The following UNC80 variants were observed in gnomAD, a reference collection of about 807,000 sequenced individuals.
The protein encoded by UNC80 is unc-80 subunit of NALCN channel complex.
A neutral mutation model predicts 384.6 loss-of-function variants in UNC80; 164 were observed. The ratio of observed to expected loss-of-function variants is 0.43; its 90% CI spans 0.38 to 0.49. The LOEUF (loss-of-function observed/expected upper bound fraction) is 0.49, where lower values mean the gene tolerates loss of function less well. UNC80 is among the 20% of genes least tolerant of loss of function. UNC80 has a pLI of 0.00. For synonymous variants in UNC80, 1,486 were observed against 1,527.8 expected (o/e 0.97, Z 0.64); for missense variants, 3,330 against 4,143.0 (o/e 0.80, Z 5.39).
chr2:209,972,166 G>T (rs558072828), intron 54 of UNC80, 35 bp from the exon 55 acceptor site: 1 of 1,544,872 alleles, frequency 6.5e-7, no homozygotes, highest in Non-Finnish European at 8.7e-7. Context: ...GGGTGTGGTG[G>T]TCAATTAATC....
At chr2:209,964,605 A>G (rs528929191) in intron 51 of UNC80, among the ~76,000 whole-genome samples, 1 of 152,154 alleles carries the variant, frequency 6.6e-6, no homozygotes, top group African/African-American at 2.4e-5. Context: ...TGGCCAACAT[A>G]GTGAAACCCT....
chr2:209,835,890 C>T (rs1188046669), intron 18 of UNC80, among the ~76,000 whole-genome samples: 1 of 152,140 alleles, frequency 6.6e-6, no homozygotes, highest in Non-Finnish European at 1.5e-5. Flanking sequence ...AGAAAAAATG[C>T]CCACAGAGTT....
At chr2:209,831,383 T>C (rs925152279) in intron 15 of UNC80, 60 bp from the exon 16 acceptor site, 58 of 1,501,036 alleles carry the variant, frequency 3.9e-5, no homozygotes, top group Non-Finnish European at 4.9e-5. Flanking sequence ...ACTGCCTTAC[T>C]CCTACCCATT....
At chr2:209,834,287 T>A in intron 17 of UNC80, 119 bp downstream of exon 17, 1 of 1,142,284 alleles carries the variant, frequency 8.8e-7, no homozygotes. Flanking sequence ...TAAAATTATC[T>A]TGCGTAAGTG....
chr2:209,895,758 C>A (rs2086742572), intron 27 of UNC80, among the ~76,000 whole-genome samples: 1 of 152,184 alleles, frequency 6.6e-6, no homozygotes, highest in Non-Finnish European at 1.5e-5. Flanking sequence ...TACTTTCACA[C>A]AGAGAGGAGT....
intron 60 of UNC80, chr2:209,982,689 G>A (rs1247128576): frequency 6.3e-6 from 1 of 159,188 alleles, no homozygotes; most frequent in Non-Finnish European, 1.4e-5. Flanking sequence ...TTAGGCTTCT[G>A]ATATATTATT....
At chr2:209,929,270 T>G (rs1335849562) in intron 36 of UNC80, among the ~76,000 whole-genome samples, 1 of 152,196 alleles carries the variant, frequency 6.6e-6, no homozygotes, top group Non-Finnish European at 1.5e-5. Context: ...TCTGGGTACT[T>G]CTAGACAATC....
chr2:209,888,009 A>G, intron 25 of UNC80, 86 bp from the exon 26 acceptor site: 1 of 1,342,478 alleles, frequency 7.4e-7, no homozygotes, highest in Non-Finnish European at 1.0e-6. Context: ...AGTTGTGTAT[A>G]ATTCAAAATG....
chr2:209,809,343 GA>G lies in UNC80; in HGVS notation c.939-4235del, dbSNP rs1574536321. 20 of 832,350 alleles carry G rather than the reference GA, an allele frequency of 2.4e-5. No individual in the cohort carries two copies. In the East Asian group the frequency reaches 4.9e-4, roughly 20 times the overall value. The allele number at this position is 832,350 out of a possible 1,614,324, so 51.6% of individuals were successfully genotyped here. Reference sequence around the variant, plus strand: ...TGCCCTTCGCCTGCGAAACCTGCGGGAAGGCCTTCTCCAGACCCTGGCTGCT... The same window carrying G: ...TGCCCTTCGCCTGCGAAACCTGCGGGAGGCCTTCTCCAGACCCTGGCTGCT... On this transcript the variant is annotated intron_variant, in intron 7 of 64. Coordinates refer to ENST00000673920, the MANE Select transcript of UNC80 (RefSeq NM_001371986.1).
chr2:209,891,011 AT>A (rs199786885), intron 26 of UNC80, among the ~76,000 whole-genome samples: 1,948 of 152,306 alleles, frequency 0.013, 42 homozygotes, highest in African/African-American at 0.044. Flanking sequence ...ACATCTGCAC[AT>A]TTGCTAGAAG....
chr2:209,962,001 T>G (rs73080863), intron 51 of UNC80, among the ~76,000 whole-genome samples: 20,983 of 152,132 alleles, frequency 0.14, 3,856 homozygotes, highest in African/African-American at 0.42. Flanking sequence ...ATGATCCCAT[T>G]CTAATAGACC....
In UNC80 at chr2:209,997,903, G is replaced by A. The variant is rs184034276; in HGVS notation, c.*2308G>A. The A allele has an allele frequency of 7.9e-5, 12 of 152,052 alleles. No individual in the cohort carries two copies. The highest frequency in any genetic ancestry group is 3.9e-4 in the Admixed American group (6 of 15,276). The allele number at this position is 152,052 out of a possible 1,614,324, so 9.4% of individuals were successfully genotyped here. On this transcript the variant is annotated 3_prime_UTR_variant, in exon 65 of 65. Transcript: ENST00000673920. Reference sequence around the variant, plus strand: ...TATGTGCATAAAACTGTCACAAGATGTATTCTCAGGAATACTGTTACCTGG... The same window carrying A: ...TATGTGCATAAAACTGTCACAAGATATATTCTCAGGAATACTGTTACCTGG...
At position 209,954,226 on chromosome 2, in the gene UNC80, G is replaced by A. The variant is rs371393316; in HGVS notation, c.7413G>A (p.Ala2471=). The change falls in exon 48 of 65, where the codon GCG becomes GCA. Residue 2471 remains alanine, a synonymous_variant. Transcript: ENST00000673920. ...REEIAATAAL[A]TSLQALLYSV... is the part of the protein sequence containing the mutation. ...AGATTGCGGCCACTGCTGCTCTTGCGACGTCCCTACAGGCCCTTTTGTACA... is the reference window on the plus strand; with the variant it reads ...AGATTGCGGCCACTGCTGCTCTTGCAACGTCCCTACAGGCCCTTTTGTACA... 62 of 1,550,812 alleles carry A rather than the reference G, an allele frequency of 4.0e-5. No individual in the cohort carries two copies. Among genetic ancestry groups the A allele is most frequent in the Admixed American group, 5.9e-5 (3 of 50,934 alleles).
At chr2:209,956,673 G>T (rs1355244063) in intron 48 of UNC80, among the ~76,000 whole-genome samples, 1 of 152,088 alleles carries the variant, frequency 6.6e-6, no homozygotes, top group Non-Finnish European at 1.5e-5. Context: ...CACCAGCATA[G>T]CATCTTGAAT....
At position 209,786,089 on chromosome 2, in the gene UNC80, G is replaced by T. The variant is rs185665095; in HGVS notation, c.624G>T (p.Leu208=). 11 of 1,613,960 alleles carry T rather than the reference G, an allele frequency of 6.8e-6. No homozygotes were observed. The Admixed American group carries it at 1.7e-4, about 24-fold the overall frequency. ...AGGAATCTGACCTCACCTTCCGTCTGGCCAGTGGGCTTGTTATATGGCAGC... is the reference window on the plus strand; with the variant it reads ...AGGAATCTGACCTCACCTTCCGTCTTGCCAGTGGGCTTGTTATATGGCAGC... ...RIKESDLTFR[L]ASGLVIWQPM... The change falls in exon 5 of 65, where the codon CTG becomes CTT. Residue 208 remains leucine (L), a synonymous_variant. Coordinates refer to ENST00000673920, the MANE Select transcript of UNC80 (RefSeq NM_001371986.1).
chr2:209,795,815 A>G (rs1021892057), intron 7 of UNC80: 1 of 152,294 alleles, frequency 6.6e-6, no homozygotes, highest in African/African-American at 2.4e-5. Context: ...CAGAAGATAT[A>G]TGGAAACTCC....
intron 5 of UNC80, among the ~76,000 whole-genome samples, chr2:209,787,887 G>T (rs1034953332): frequency 5.3e-5 from 8 of 152,040 alleles, no homozygotes; most frequent in African/African-American, 1.9e-4. Flanking sequence ...TCTTAGGCAG[G>T]TATTTTAGGA....
chr2:209,834,551 G>A (rs1457913598), intron 17 of UNC80, among the ~76,000 whole-genome samples: 2 of 152,148 alleles, frequency 1.3e-5, no homozygotes, highest in Admixed American at 1.3e-4. Flanking sequence ...TACTCTAAAT[G>A]TGGTAAAAGA....
chr2:209,970,037 A>T, intron 53 of UNC80, 146 bp downstream of exon 53: 2 of 1,047,942 alleles, frequency 1.9e-6, no homozygotes, highest in Non-Finnish European at 1.4e-6. Context: ...GAAAATAGTG[A>T]GGTACATTTC....
Sources: allele counts gnomAD v4.1 joint callset (sites outside exome capture counted in the v4.1 genomes callset), GRCh38; gene constraint gnomAD v4.1.1; transcripts MANE v1.5; gene names NCBI Gene and HGNC (gene_info 2026-07-23, HGNC 2026-07-21).